The following DOCK10 variants were observed in gnomAD, a reference collection of about 807,000 sequenced individuals.
DOCK10 encodes dedicator of cytokinesis protein 10.
A neutral mutation model predicts 280.1 loss-of-function variants in DOCK10; 145 were observed. That is an observed-to-expected ratio of 0.52 (90% CI 0.45 to 0.59). The LOEUF (loss-of-function observed/expected upper bound fraction) is 0.59. Ranked by LOEUF, DOCK10 falls within the 20% of genes least tolerant of loss-of-function variation. The pLI is 0.00. For missense variants in DOCK10, 2,368 were observed against 2,651.7 expected, an observed-to-expected ratio of 0.89 and a Z score of 2.35; for synonymous variants, 915 against 942.2, an observed-to-expected ratio of 0.97 and a Z score of 0.53.
rs1291740731 is a variant in DOCK10 at position 224,770,173 on chromosome 2, T to C, written c.6444+38A>G. 6.8e-7 allele frequency: 1 copy of C among 1,471,820 alleles called. No homozygotes were observed. The highest frequency in any genetic ancestry group is 9.0e-7 in the Non-Finnish European group (1 of 1,109,214). 91.2% of individuals were successfully genotyped at this position (1,471,820 alleles called of 1,614,324 possible). On this transcript the variant is annotated intron_variant, in intron 55 of 55. Coordinates refer to ENST00000258390, the MANE Select transcript of DOCK10 (RefSeq NM_014689.3). The surrounding 1 kb of genome is among the most constrained non-coding windows in gnomAD (Gnocchi z 4.5). ...GGCATTGGGAGCGAAAGGGACTTTCTGTCCACTGATAGCGCGTGTGCACCA... is the reference window on the plus strand; with the variant it reads ...GGCATTGGGAGCGAAAGGGACTTTCCGTCCACTGATAGCGCGTGTGCACCA...
intron 1 of DOCK10, among the ~76,000 whole-genome samples, chr2:224,938,916 TAAGTA>T: frequency 6.6e-6 from 1 of 152,308 alleles, no homozygotes; most frequent in East Asian, 1.9e-4. Flanking sequence ...AGGAAGTGAT[TAAGTA>T]AAGAATAAGC....
intron 21 of DOCK10, 58 bp from the exon 22 acceptor site, chr2:224,844,897 A>G: frequency 8.2e-7 from 1 of 1,225,550 alleles, no homozygotes; most frequent in Non-Finnish European, 1.2e-6. Flanking sequence ...GAAAATAAAT[A>G]GATTGTTTAG....
At chr2:224,930,538 T>C (rs935068589) in intron 2 of DOCK10, among the ~76,000 whole-genome samples, 3 of 151,538 alleles carry the variant, frequency 2.0e-5, no homozygotes, top group Admixed American at 2.0e-4. Flanking sequence ...AACTTCCATA[T>C]ACCTTCTTTT....
chr2:224,858,280 C>T (rs1697275131), intron 14 of DOCK10, among the ~76,000 whole-genome samples: 1 of 152,188 alleles, frequency 6.6e-6, no homozygotes, highest in South Asian at 2.1e-4. Context: ...TTACATTGGA[C>T]ACTTTTCATA....
rs374525584 is a variant in DOCK10 at position 224,805,364 on chromosome 2, C to T, written c.3936+44G>A. Reference sequence around the variant, plus strand: ...ATCAGGATTGAGTGAGAGTGAGTGACCTCTGCCTTGTAATGATCAGTAGGT... The same window carrying T: ...ATCAGGATTGAGTGAGAGTGAGTGATCTCTGCCTTGTAATGATCAGTAGGT... On this transcript the variant is annotated intron_variant, in intron 35 of 55. Transcript: ENST00000258390. This position sits in a 1 kb window ranked among gnomAD's most constrained non-coding sequence, Gnocchi z 4.3. The T allele has an allele frequency of 5.0e-6, 8 of 1,612,570 alleles. No homozygotes were observed. In the African/African-American group the frequency reaches 1.1e-4, roughly 22 times the overall value.
chr2:224,961,412 CTCTTTCTTTCTTTCTT>C (rs561597716), intron 1 of DOCK10, among the ~76,000 whole-genome samples: 360 of 119,460 alleles, frequency 3.0e-3, no homozygotes, highest in East Asian at 6.6e-3. Context: ...TTCTTTCTTT[CTCTTTCTTTCTTTCTT>C]TCTTTCTTTC....
rs552913400 is a variant in DOCK10, at chr2:224,921,917, C to T, written c.244-5133G>A. ...GAGTGTGAGACCAGCCTGACCAACA[C>T]GAAGAAACCCCGTCTCTACTAAAAA... is the stretch of plus-strand genomic sequence containing the variant. On this transcript the variant is annotated intron_variant, in intron 2 of 55. Transcript: ENST00000258390. Among the ~76,000 whole-genome samples, 527 of 151,310 alleles carry T rather than the reference C, an allele frequency of 3.5e-3. 8 individuals carry two copies. Among genetic ancestry groups the T allele is most frequent in the African/African-American group, 0.012 (502 of 41,238 alleles).
intron 1 of DOCK10, among the ~76,000 whole-genome samples, chr2:224,957,481 G>A (rs572813918): frequency 2.1e-4 from 32 of 152,160 alleles, no homozygotes; most frequent in African/African-American, 6.7e-4. Context: ...TTGAGGTGGG[G>A]TCTTGCTATG....
In DOCK10 at chr2:224,787,072, A is replaced by T; in HGVS notation, c.5605T>A (p.Ser1869Thr). 2.5e-6 allele frequency: 4 copies of T among 1,614,038 alleles called. No individual in the cohort carries two copies. The highest frequency in any genetic ancestry group is 3.4e-6 in the Non-Finnish European group (4 of 1,179,894). Residue 1869 changes from serine to threonine, a missense_variant, in exon 50 of 56, where the codon TCG becomes ACG. Transcript: ENST00000258390. Reference protein sequence around the residue: ...SYLKVAEVVNSEKRLFGRYYR... With the variant: ...SYLKVAEVVNTEKRLFGRYYR... ...TAGCGACCAAACAGCCGCTTCTCCG[A>T]ATTCACCACCTCTGCCACTTTCAGA...
At chr2:224,999,875 T>C (rs116324446) in intron 1 of DOCK10, among the ~76,000 whole-genome samples, 2,460 of 152,252 alleles carry the variant, frequency 0.016, 67 homozygotes, top group African/African-American at 0.056. Context: ...ATGTATTTTA[T>C]TGCATGCCAA....
At chr2:224,795,209 G>T in intron 44 of DOCK10, 115 bp from the exon 45 acceptor site, 1 of 870,064 alleles carries the variant, frequency 1.1e-6, no homozygotes, top group Non-Finnish European at 1.8e-6. Context: ...TCTATATATA[G>T]TTATAAATGA....
chr2:224,829,453 T>G (rs1159990457), intron 27 of DOCK10, among the ~76,000 whole-genome samples: 2 of 152,098 alleles, frequency 1.3e-5, no homozygotes, highest in Non-Finnish European at 2.9e-5. Context: ...ATCAAAATAA[T>G]ATAACTGTAC....
chr2:224,999,515 C>T (rs1235894970), intron 1 of DOCK10, among the ~76,000 whole-genome samples: 1 of 151,590 alleles, frequency 6.6e-6, no homozygotes, highest in Admixed American at 6.6e-5. Context: ...CCCTCTCTCC[C>T]CTCTTTCCTT....
At chr2:224,800,511 A>C (rs1326040491) in intron 40 of DOCK10, among the ~76,000 whole-genome samples, 1 of 151,964 alleles carries the variant, frequency 6.6e-6, no homozygotes. Context: ...TTTTCCGTTA[A>C]TTTGGCCAAA....
intron 1 of DOCK10, among the ~76,000 whole-genome samples, chr2:224,980,989 C>T (rs1424624437): frequency 6.6e-6 from 1 of 151,628 alleles, no homozygotes; most frequent in Non-Finnish European, 1.5e-5. Context: ...TATAGACTAA[C>T]AAAATTAGAA....
At position 224,950,178 on chromosome 2, in the gene DOCK10, T is replaced by G. The variant is rs115976467; in HGVS notation, c.124-18510A>C. ...GCAGATAATTTGACCCAGAGATGGTTTGCATTAATCTAGATATTAACATAG... is the reference window on the plus strand; with the variant it reads ...GCAGATAATTTGACCCAGAGATGGTGTGCATTAATCTAGATATTAACATAG... On this transcript the variant is annotated intron_variant, in intron 1 of 55. Coordinates refer to ENST00000258390, the MANE Select transcript of DOCK10 (RefSeq NM_014689.3). Among the ~76,000 whole-genome samples, 824 of 152,300 alleles carry G rather than the reference T, an allele frequency of 5.4e-3. 8 individuals carry two copies. Among genetic ancestry groups the G allele is most frequent in the African/African-American group, 0.019 (769 of 41,552 alleles).
chr2:225,019,415 A>G (rs1689723615), intron 1 of DOCK10, among the ~76,000 whole-genome samples: 1 of 151,508 alleles, frequency 6.6e-6, no homozygotes, highest in African/African-American at 2.4e-5. Flanking sequence ...AGGATTGGCA[A>G]CTTCAAAGCT....
chr2:224,952,834 T>C (rs571805130), intron 1 of DOCK10, among the ~76,000 whole-genome samples: 178 of 152,184 alleles, frequency 1.2e-3, no homozygotes, highest in Non-Finnish European at 1.8e-3. Context: ...CCTCGTGATC[T>C]GCCCGCCTCG....
intron 47 of DOCK10, among the ~76,000 whole-genome samples, chr2:224,792,760 C>T (rs1692287646): frequency 6.6e-6 from 1 of 152,100 alleles, no homozygotes; most frequent in Admixed American, 6.5e-5. Flanking sequence ...ACATACAGTT[C>T]TATTTGCTGA....
Sources: gnomAD v4.1 joint callset for allele counts (sites outside exome capture counted in the v4.1 genomes callset) on GRCh38, gnomAD v4.1.1 for gene constraint, Gnocchi (gnomAD v3.1) non-coding constraint, MANE v1.5 for transcripts, NCBI Gene and HGNC (gene_info 2026-07-23, HGNC 2026-07-21) for gene names.